Variants in KANSL1 observed in about 807,000 individuals in gnomAD.
The protein encoded by KANSL1 is KAT8 regulatory NSL complex subunit 1.
A neutral mutation model predicts 103.6 loss-of-function variants in KANSL1; 22 were observed. The ratio of observed to expected loss-of-function variants is 0.21; its 90% CI spans 0.15 to 0.30. The LOEUF (loss-of-function observed/expected upper bound fraction) is 0.30. Among genes scored for constraint, KANSL1 ranks in the 10% least tolerant of loss-of-function variants. The probability of loss-of-function intolerance (pLI) is 1.00; values close to 1 mark genes in which losing one functional copy is unlikely to be tolerated. For synonymous variants in KANSL1, 600 were observed against 527.6 expected (o/e 1.14, Z -1.88); for missense variants, 1,337 against 1,399.8 (o/e 0.96, Z 0.72).
At chr17:46,147,812 C>A (rs2044810432) in intron 2 of KANSL1, among the ~76,000 whole-genome samples, 1 of 152,156 alleles carries the variant, frequency 6.6e-6, no homozygotes, top group African/African-American at 2.4e-5. Context: ...ACGGTATTTT[C>A]TCGAAGTTTG....
Position 46,063,273 on chromosome 17 carries a change from T to A in KANSL1, c.1848+3264A>T, listed in dbSNP as rs73317063. Among the ~76,000 whole-genome samples the A allele has an allele frequency of 5.2e-3, 788 of 152,344 alleles. 18 individuals carry two copies. The highest frequency in any genetic ancestry group is 0.018 in the African/African-American group (763 of 41,580). On this transcript the variant is annotated intron_variant, in intron 6 of 14. Coordinates refer to ENST00000432791, the MANE Select transcript of KANSL1 (RefSeq NM_015443.4). ...TAACTTCTTTGCTGTCATTAGAAAG[T>A]AAGCTCCATGAAGATAAGGGCTTTG...
chr17:46,105,890 CACAG>C (rs1440289719), intron 2 of KANSL1, among the ~76,000 whole-genome samples: 9 of 119,442 alleles, frequency 7.5e-5, no homozygotes, highest in Non-Finnish European at 1.6e-4. Flanking sequence ...CACACACACA[CACAG>C]AGCAAGGCCT....
chr17:46,111,098 C>T (rs1331084610), intron 2 of KANSL1, among the ~76,000 whole-genome samples: 1 of 152,112 alleles, frequency 6.6e-6, no homozygotes, highest in Non-Finnish European at 1.5e-5. Context: ...AGTTATTTTA[C>T]GTCTGATGCA....
chr17:46,127,032 T>C lies in KANSL1; in HGVS notation c.1290-32331A>G, dbSNP rs1024224597. Among the ~76,000 whole-genome samples the C allele has an allele frequency of 4.6e-5, 7 of 152,244 alleles. 1 individual carries two copies. The highest frequency in any genetic ancestry group is 9.6e-5 in the African/African-American group (4 of 41,466). ...TTTACAACTGGCTCTCTCATCAGAC[T>C]GGCAGACTGGGTCTAATCCAAGGTC... On this transcript the variant is annotated intron_variant, in intron 2 of 14. Transcript: ENST00000432791.
chr17:46,048,174 C>T (rs969397063), intron 7 of KANSL1, among the ~76,000 whole-genome samples: 23 of 152,132 alleles, frequency 1.5e-4, no homozygotes, highest in Admixed American at 1.4e-3. Context: ...TCCAAAAGTG[C>T]CAGGATTACA....
chr17:46,157,576 G>A (rs2045497605), intron 2 of KANSL1, among the ~76,000 whole-genome samples: 2 of 152,232 alleles, frequency 1.3e-5, no homozygotes, highest in Admixed American at 1.3e-4. Context: ...TCTTGGACCT[G>A]AGACCTGCTT....
chr17:46,138,739 A>G (rs2044275196), intron 2 of KANSL1, among the ~76,000 whole-genome samples: 1 of 152,246 alleles, frequency 6.6e-6, no homozygotes, highest in African/African-American at 2.4e-5. Flanking sequence ...TATTAAGTCC[A>G]AGACAAAGAT....
chr17:46,086,486 A>G (rs1478409838), intron 3 of KANSL1, among the ~76,000 whole-genome samples: 3 of 152,254 alleles, frequency 2.0e-5, no homozygotes, highest in Non-Finnish European at 4.4e-5. Context: ...TACTAAGGAT[A>G]CAAGAAAAAA....
chr17:46,193,882 G>A (rs1002839758), upstream of KANSL1: 3 of 157,766 alleles, frequency 1.9e-5, no homozygotes, highest in Non-Finnish European at 4.3e-5. Context: ...GTGTAGTAAA[G>A]AGGGTAAGGC....
At chr17:46,072,536 C>T (rs2078616189) in intron 4 of KANSL1, among the ~76,000 whole-genome samples, 2 of 151,064 alleles carry the variant, frequency 1.3e-5, no homozygotes, top group African/African-American at 4.9e-5. Context: ...TCAAGCCCAC[C>T]CCACCCCCAT....
At chr17:46,177,780 C>CT (rs67765122) in intron 1 of KANSL1, among the ~76,000 whole-genome samples, 26,386 of 146,560 alleles carry the variant, frequency 0.18, 2,615 homozygotes, top group Middle Eastern at 0.26. Context: ...CAGTAACATT[C>CT]TTTTTTTTTT....
intron 2 of KANSL1, among the ~76,000 whole-genome samples, chr17:46,151,544 G>A (rs1013297368): frequency 3.9e-5 from 6 of 152,088 alleles, no homozygotes; most frequent in Admixed American, 6.5e-5. Flanking sequence ...ACTAGCCTTC[G>A]GTCATTATTT....
chr17:46,090,887 T>C (rs1460493933), intron 3 of KANSL1, among the ~76,000 whole-genome samples: 14 of 152,252 alleles, frequency 9.2e-5, no homozygotes, highest in South Asian at 2.1e-4. Context: ...ACTAAGAATA[T>C]AATAGCTGAT....
intron 2 of KANSL1, chr17:46,170,617 T>TA (rs1478420765): frequency 2.0e-6 from 1 of 508,082 alleles, no homozygotes; most frequent in Non-Finnish European, 3.4e-6. Flanking sequence ...TTATTTTTCT[T>TA]AGACTTCAAA....
At chr17:46,176,893 T>G (rs1186137628) in intron 1 of KANSL1, among the ~76,000 whole-genome samples, 1 of 151,562 alleles carries the variant, frequency 6.6e-6, no homozygotes, top group African/African-American at 2.4e-5. Context: ...GGAGAGAGAG[T>G]GCAGAGAACA....
chr17:46,080,436 G>C (rs899957431), intron 4 of KANSL1, among the ~76,000 whole-genome samples: 3 of 150,880 alleles, frequency 2.0e-5, no homozygotes, highest in Admixed American at 6.6e-5. Context: ...CCTCTGTCCC[G>C]GGCAACCTAA....
upstream of KANSL1, chr17:46,225,272 C>T (rs1440491961): frequency 6.6e-6 from 1 of 152,496 alleles, no homozygotes. Context: ...CACCATCACC[C>T]TGGCCCACTC....
At chr17:46,163,475 G>C (rs906227480) in intron 2 of KANSL1, among the ~76,000 whole-genome samples, 17 of 152,198 alleles carry the variant, frequency 1.1e-4, no homozygotes, top group African/African-American at 3.6e-4. Context: ...CCATCTTCCT[G>C]TCTCAACTTC....
chr17:46,140,303 G>C (rs1299239493), intron 2 of KANSL1, among the ~76,000 whole-genome samples: 1 of 152,088 alleles, frequency 6.6e-6, no homozygotes, highest in Non-Finnish European at 1.5e-5. Flanking sequence ...GGGAAAAAAA[G>C]GTCTTTACAA....
Sources: gnomAD v4.1 joint callset for allele counts (sites outside exome capture counted in the v4.1 genomes callset) on GRCh38, gnomAD v4.1.1 for gene constraint, MANE v1.5 for transcripts, NCBI Gene and HGNC (gene_info 2026-07-23, HGNC 2026-07-21) for gene names.